ALMS1: variants seen among roughly 807,000 people sequenced by gnomAD.
ALMS1 encodes the protein ALMS1 centrosome and basal body associated protein.
In ALMS1, 271 loss-of-function variants were observed where a neutral mutation model predicts 352.2. That is an observed-to-expected ratio of 0.77 (90% CI 0.70 to 0.85). The LOEUF (loss-of-function observed/expected upper bound fraction) is 0.85, where lower values mean the gene tolerates loss of function less well. Among genes scored for constraint, ALMS1 ranks in the 40% least tolerant of loss-of-function variants. ALMS1 has a pLI of 0.00. For synonymous variants in ALMS1, 1,865 were observed against 1,761.2 expected (o/e 1.06, Z -1.48); for missense variants, 5,445 against 4,870.7 (o/e 1.12, Z -3.51).
chr2:73,584,207 C>T (rs908595583), intron 16 of ALMS1, among the ~76,000 whole-genome samples: 4 of 152,040 alleles, frequency 2.6e-5, no homozygotes, highest in Non-Finnish European at 5.9e-5. Context: ...CATAATTTTC[C>T]CCAACTAACC....
chr2:73,603,008 G>T (rs1417065807), intron 20 of ALMS1, among the ~76,000 whole-genome samples: 1 of 152,218 alleles, frequency 6.6e-6, no homozygotes, highest in Admixed American at 6.5e-5. Context: ...AAACCGGCCA[G>T]ATTTTTAATT....
intron 9 of ALMS1, among the ~76,000 whole-genome samples, chr2:73,488,786 G>A (rs1672910952): frequency 6.6e-6 from 1 of 152,180 alleles, no homozygotes; most frequent in African/African-American, 2.4e-5. Flanking sequence ...AGAATGCCAA[G>A]TTATAATGAC....
chr2:73,394,828 A>G (rs1670720831), intron 1 of ALMS1, among the ~76,000 whole-genome samples: 1 of 151,990 alleles, frequency 6.6e-6, no homozygotes, highest in South Asian at 2.1e-4. Context: ...ATATAGTCTA[A>G]CTGTTTGCTC....
chr2:73,393,226 A>G (rs538267617), intron 1 of ALMS1, among the ~76,000 whole-genome samples: 71 of 152,346 alleles, frequency 4.7e-4, no homozygotes, highest in Non-Finnish European at 8.5e-4. Flanking sequence ...TTGACAAGAT[A>G]CAGTCCCTTG....
chr2:73,388,120 T>C (rs751970926), intron 1 of ALMS1, among the ~76,000 whole-genome samples: 3 of 152,178 alleles, frequency 2.0e-5, no homozygotes, highest in African/African-American at 7.2e-5. Context: ...GCTAGAGATT[T>C]CAAGTTGTAA....
At chr2:73,485,351 G>C (rs983317031) in intron 9 of ALMS1, among the ~76,000 whole-genome samples, 1 of 152,182 alleles carries the variant, frequency 6.6e-6, no homozygotes, top group East Asian at 1.9e-4. Context: ...GTGTCAGTGT[G>C]CCCCTGCTGG....
intron 15 of ALMS1, among the ~76,000 whole-genome samples, chr2:73,570,432 G>C (rs115516373): frequency 0.011 from 1,714 of 152,278 alleles, 18 homozygotes; most frequent in Non-Finnish European, 0.017. Flanking sequence ...GATCATATTA[G>C]CAAGAGCACT....
intron 1 of ALMS1, among the ~76,000 whole-genome samples, chr2:73,407,187 T>C (rs1312934045): frequency 4.6e-5 from 7 of 152,162 alleles, no homozygotes; most frequent in Non-Finnish European, 1.0e-4. Context: ...TTGGGCATGC[T>C]AGCTCAGGTC....
chr2:73,535,383 GAA>G (rs552313196), intron 12 of ALMS1, among the ~76,000 whole-genome samples: 83 of 150,798 alleles, frequency 5.5e-4, no homozygotes, highest in Non-Finnish European at 1.1e-3. Flanking sequence ...TTTGGTTTTT[GAA>G]AAAAAAATTT....
rs752181026 is a variant in ALMS1 at position 73,453,484 on chromosome 2, A to G, written c.6957A>G (p.Arg2319=). 3.7e-6 allele frequency: 6 copies of G among 1,613,380 alleles called. No individual in the cohort carries two copies. In the South Asian group the frequency reaches 6.6e-5, roughly 18 times the overall value. The change falls in exon 8 of 23, where the codon AGA becomes AGG. Residue 2319 remains arginine (R), a synonymous_variant. Transcript: ENST00000613296. ...TGVSNGDLLH[R]QPFTEESPSS... is the part of the protein sequence containing the mutation. Reference sequence around the variant, plus strand: ...TATCTAATGGTGATTTGCTTCACAGACAGCCATTCACAGAGGAAAGCCCAA... The same window carrying G: ...TATCTAATGGTGATTTGCTTCACAGGCAGCCATTCACAGAGGAAAGCCCAA...
At chr2:73,577,772 T>G (rs928315570) in intron 16 of ALMS1, among the ~76,000 whole-genome samples, 1 of 152,216 alleles carries the variant, frequency 6.6e-6, no homozygotes, top group African/African-American at 2.4e-5. Flanking sequence ...GAATATATTT[T>G]GTATTATTTC....
At position 73,490,102 on chromosome 2, in the gene ALMS1, A is replaced by G. The variant is rs758496919; in HGVS notation, c.8143A>G (p.Ile2715Val). The change falls in exon 10 of 23, where the codon ATC becomes GTC. Residue 2715 changes from isoleucine to valine, a missense_variant. Physicochemically the swap from Ile to Val is conservative, Grantham distance 29. Transcript: ENST00000613296. ...ACCCATGAAAAAGTTTACTACCTCC[A>G]TCACTTTTTCATCTCACCGACATTC... ...PEPMKKFTTS[I>V]TFSSHRHSKC... 15 of 1,614,034 alleles carry G rather than the reference A, an allele frequency of 9.3e-6. No homozygotes were observed. In the South Asian group the frequency reaches 9.9e-5, roughly 11 times the overall value.
intron 2 of ALMS1, among the ~76,000 whole-genome samples, chr2:73,418,190 A>T (rs1671215472): frequency 6.6e-6 from 1 of 152,126 alleles, no homozygotes; most frequent in Non-Finnish European, 1.5e-5. Flanking sequence ...GTATGTGATG[A>T]CTTGGAAGTA....
Position 73,489,796 on chromosome 2 carries a change from A to T in ALMS1, c.7837A>T (p.Thr2613Ser). 3 of 1,614,158 alleles carry T rather than the reference A, an allele frequency of 1.9e-6. No homozygotes were observed. The highest frequency in any genetic ancestry group is 2.5e-6 in the Non-Finnish European group (3 of 1,180,024). Residue 2613 changes from threonine to serine, a missense_variant, in exon 10 of 23, where the codon ACC (threonine) becomes TCC (serine). Coordinates refer to ENST00000613296, the MANE Select transcript of ALMS1 (RefSeq NM_001378454.1). ...CAGATCTGCTGGACCCTCAGAAATG[A>T]CCAGAGGACGGCAGAACCCATCATC... ...AFRSAGPSEM[T>S]RGRQNPSSCR...
In ALMS1 at chr2:73,609,558, T is replaced by C. The variant is rs754172101; in HGVS notation, c.12463-10T>C. 6.2e-7 allele frequency: 1 copy of C among 1,614,118 alleles called. No individual in the cohort carries two copies. ...TCTAACTTCTTTCCTGCCTTTCTTT[T>C]CTTCTACAGAGAGTGACCAATCAAC... is the stretch of plus-strand genomic sequence containing the variant. On this transcript the variant is annotated splice_polypyrimidine_tract_variant and intron_variant, in intron 22 of 22. Transcript: ENST00000613296.
At chr2:73,492,768 G>C (rs1408712396) in intron 10 of ALMS1, among the ~76,000 whole-genome samples, 1 of 152,062 alleles carries the variant, frequency 6.6e-6, no homozygotes, top group African/African-American at 2.4e-5. Flanking sequence ...CTTTGAGACA[G>C]AGTCTCGCTC....
chr2:73,485,934 G>A (rs1009556445), intron 9 of ALMS1, among the ~76,000 whole-genome samples: 3 of 151,872 alleles, frequency 2.0e-5, no homozygotes, highest in Admixed American at 1.3e-4. Flanking sequence ...GCTTCGTCTC[G>A]CACACGGTGC....
At chr2:73,601,457 C>G in intron 19 of ALMS1, 21 bp downstream of exon 19, 1 of 1,612,924 alleles carries the variant, frequency 6.2e-7, no homozygotes, top group Non-Finnish European at 8.5e-7. Context: ...GTTGACTTAA[C>G]TTTAATGCTA....
chr2:73,529,039 G>GTTT lies in ALMS1; in HGVS notation c.9782-5765_9782-5763dup, dbSNP rs34604396. On this transcript the variant is annotated intron_variant, in intron 11 of 22. Coordinates refer to ENST00000613296, the MANE Select transcript of ALMS1 (RefSeq NM_001378454.1). ...AATTTCTTTGAGTTTCCTCAAAGCA[G>GTTT]TTTTTTTTTTTTTTTTTTTTTTGAG... Among the ~76,000 whole-genome samples the GTTT allele has an allele frequency of 3.9e-3, 387 of 99,532 alleles. 4 individuals carry two copies. The highest frequency in any genetic ancestry group is 7.1e-3 in the Middle Eastern group (1 of 140). 65.3% of individuals were successfully genotyped at this position (99,532 alleles called of 152,430 possible).
Sources: gnomAD v4.1 joint callset for allele counts (sites outside exome capture counted in the v4.1 genomes callset) on GRCh38, gnomAD v4.1.1 for gene constraint, MANE v1.5 for transcripts, NCBI Gene and HGNC (gene_info 2026-07-23, HGNC 2026-07-21) for gene names.